The following TET1 variants were observed in gnomAD, a reference collection of about 807,000 sequenced individuals.
TET1 encodes methylcytosine dioxygenase TET1.
A neutral mutation model predicts 148.7 loss-of-function variants in TET1; 13 were observed. The ratio of observed to expected loss-of-function variants is 0.09; its 90% CI spans 0.06 to 0.14. TET1 has a LOEUF of 0.14. TET1 is among the 10% of genes least tolerant of loss of function. The pLI, the probability that TET1 is intolerant of heterozygous loss-of-function variation, is 1.00. For missense variants in TET1, 2,182 were observed against 2,553.8 expected (o/e 0.85, Z 3.14); for synonymous variants, 907 against 937.2 (o/e 0.97, Z 0.59).
rs1433357245 is a variant in TET1, at chr10:68,645,877, C to T, written c.3148C>T (p.Gln1050Ter). Reference protein sequence around the residue: ...PRNNEVEYCNQLLDSSKKLDS... With the variant: ...PRNNEVEYCN The stretch of plus-strand genomic sequence containing the variant: ...AAATAATGAAGTGGAGTATTGCAAC[C>T]AGTTACTGGACAGCAGCAAAAAATT... Residue 1050 changes from glutamine to a stop codon, truncating the protein, a stop_gained, in exon 4 of 12, where the codon CAG becomes TAG. Transcript: ENST00000373644. LOFTEE classifies it high-confidence loss of function. The T allele has an allele frequency of 6.2e-7, 1 of 1,613,762 alleles. No homozygotes were observed. Among genetic ancestry groups the T allele is most frequent in the African/African-American group, 1.3e-5 (1 of 74,826 alleles).
At chr10:68,655,493 G>C (rs745509107) in intron 6 of TET1, among the ~76,000 whole-genome samples, 1 of 152,160 alleles carries the variant, frequency 6.6e-6, no homozygotes, top group Non-Finnish European at 1.5e-5. Flanking sequence ...GAATGAATAT[G>C]TCCTCATGTT....
chr10:68,651,732 TGTCAAGATTC>T, intron 4 of TET1, 104 bp from the exon 5 acceptor site: 1 of 645,646 alleles, frequency 1.5e-6, no homozygotes, highest in Non-Finnish European at 2.5e-6. Flanking sequence ...ACCAAAACCT[TGTCAAGATTC>T]ATGGTTCTGA....
chr10:68,632,276 C>T, intron 3 of TET1: 1 of 1,027,770 alleles, frequency 9.7e-7, no homozygotes, highest in South Asian at 1.6e-5. Flanking sequence ...GAGCCGAGAT[C>T]CCGCCACTGC....
intron 3 of TET1, among the ~76,000 whole-genome samples, chr10:68,642,611 CT>C (rs1052460885): frequency 7.4e-5 from 11 of 148,770 alleles, no homozygotes; most frequent in Admixed American, 1.3e-4. Flanking sequence ...CACTTTTCTT[CT>C]TTTTTTTTTG....
chr10:68,623,037 TC>T (rs887749636), intron 3 of TET1, among the ~76,000 whole-genome samples: 17 of 152,212 alleles, frequency 1.1e-4, no homozygotes, highest in African/African-American at 4.1e-4. Context: ...TTTACAGAGA[TC>T]CTTGGCCAGG....
intron 1 of TET1, among the ~76,000 whole-genome samples, chr10:68,571,865 A>G (rs2053674063): frequency 6.6e-6 from 1 of 152,036 alleles, no homozygotes; most frequent in Non-Finnish European, 1.5e-5. Flanking sequence ...CACACCTGTA[A>G]TCCCAGCACT....
intron 3 of TET1, among the ~76,000 whole-genome samples, chr10:68,627,099 C>A (rs532029322): frequency 2.0e-5 from 3 of 151,970 alleles, no homozygotes; most frequent in Non-Finnish European, 2.9e-5. Flanking sequence ...TTGTGAAACC[C>A]CGTCTGTATT....
chr10:68,658,417 G>C (rs973154188), intron 6 of TET1, among the ~76,000 whole-genome samples: 3 of 152,040 alleles, frequency 2.0e-5, no homozygotes, highest in African/African-American at 7.2e-5. Context: ...GGGATTACAG[G>C]CGTGAGCCAC....
intron 4 of TET1, among the ~76,000 whole-genome samples, chr10:68,649,060 AATC>A (rs1409588518): frequency 6.6e-6 from 1 of 152,230 alleles, no homozygotes; most frequent in African/African-American, 2.4e-5. Flanking sequence ...AGAAGAAAGT[AATC>A]ATCATAATGG....
chr10:68,585,184 A>G (rs780368738), intron 2 of TET1, among the ~76,000 whole-genome samples: 3 of 152,074 alleles, frequency 2.0e-5, no homozygotes, highest in African/African-American at 4.8e-5. Flanking sequence ...TTGTATTTTT[A>G]GTAGAGACAG....
At position 68,682,932 on chromosome 10, in the gene TET1, C is replaced by A; in HGVS notation, c.5011C>A (p.Pro1671Thr). 6.2e-7 allele frequency: 1 copy of A among 1,613,956 alleles called. No homozygotes were observed. The highest frequency in any genetic ancestry group is 8.5e-7 in the Non-Finnish European group (1 of 1,179,994). ...VTACLDFCAHPHRDIHNMNNG... is the reference protein window; with the variant it reads ...VTACLDFCAHTHRDIHNMNNG... The stretch of plus-strand genomic sequence containing the variant: ...TGCTTGCCTGGACTTCTGTGCTCAT[C>A]CCCACAGGGACATTCACAACATGAA... Residue 1671 changes from proline to threonine, a missense_variant, in exon 10 of 12, where the codon CCC becomes ACC. Pro to Thr is a conservative substitution (Grantham distance 38). Coordinates refer to ENST00000373644, the MANE Select transcript of TET1 (RefSeq NM_030625.3).
intron 3 of TET1, among the ~76,000 whole-genome samples, chr10:68,638,765 TTG>T (rs59106736): frequency 0.12 from 17,025 of 140,576 alleles, 1,255 homozygotes; most frequent in East Asian, 0.32. Flanking sequence ...TGTATGGAGT[TTG>T]TGTGTGTGTG....
At chr10:68,604,124 G>A (rs772173149) in intron 3 of TET1, among the ~76,000 whole-genome samples, 2 of 152,156 alleles carry the variant, frequency 1.3e-5, no homozygotes, top group African/African-American at 2.4e-5. Context: ...CTTCAATCAC[G>A]AACTTAGCCT....
At position 68,681,394 on chromosome 10, in the gene TET1, T is replaced by C; in HGVS notation, c.4825-5T>C. The C allele has an allele frequency of 6.2e-7, 1 of 1,606,128 alleles. No individual in the cohort carries two copies. Among genetic ancestry groups the C allele is most frequent in the Non-Finnish European group, 8.5e-7 (1 of 1,173,522 alleles). ...AAATACCTAATGGATTCTGTTTTCC[T>C]ATAGGAAAAAAACCTTGAAGATAAC... On this transcript the variant is annotated splice_polypyrimidine_tract_variant and splice_region_variant and intron_variant, in intron 8 of 11. Transcript: ENST00000373644.
At chr10:68,589,612 C>T (rs558167466) in intron 2 of TET1, among the ~76,000 whole-genome samples, 8 of 150,324 alleles carry the variant, frequency 5.3e-5, no homozygotes, top group Middle Eastern at 3.5e-3. Flanking sequence ...CCTTAGTGCT[C>T]TGGGAGAGGT....
intron 3 of TET1, among the ~76,000 whole-genome samples, chr10:68,634,594 G>A (rs1391397610): frequency 1.3e-5 from 2 of 152,158 alleles, no homozygotes. Context: ...CTGGTTTGAG[G>A]CCTGGTTCTT....
At chr10:68,626,700 G>A (rs1479815295) in intron 3 of TET1, among the ~76,000 whole-genome samples, 2 of 151,240 alleles carry the variant, frequency 1.3e-5, no homozygotes, top group Admixed American at 6.6e-5. Context: ...ATAGGTATGC[G>A]CCACCACACC....
chr10:68,669,670 G>GA (rs768582069), intron 7 of TET1, among the ~76,000 whole-genome samples: 18 of 150,914 alleles, frequency 1.2e-4, no homozygotes, highest in African/African-American at 4.4e-4. Flanking sequence ...ACTCTTTTAA[G>GA]ACAGAGTCTC....
Position 68,691,032 on chromosome 10 carries a change from A to G in TET1, c.5629A>G (p.Ser1877Gly), listed in dbSNP as rs2055583830. Residue 1877 changes from serine (S) to glycine (G), a missense_variant, in exon 12 of 12, where the codon AGC (serine) becomes GGC (glycine). By Grantham distance (56) the Ser-to-Gly change is moderately conservative. Around this residue, in one of 11 missense-constraint regions of TET1, gnomAD observed 380 missense variants for 387.9 expected, o/e 0.98. Transcript: ENST00000373644. The surrounding 1 kb of genome is among the most constrained non-coding windows in gnomAD (Gnocchi z 4.4). ...TASCGFSERS[S>G]TPHCTMPSGR... is the part of the protein sequence containing the mutation. ...CTCATGCGGGTTTTCAGAAAGAAGC[A>G]GCACTCCCCACTGTACGATGCCTTC... 1.9e-6 allele frequency: 3 copies of G among 1,614,156 alleles called. No homozygotes were observed. Among genetic ancestry groups the G allele is most frequent in the Non-Finnish European group, 1.7e-6 (2 of 1,179,984 alleles).
Sources: allele counts gnomAD v4.1 joint callset (sites outside exome capture counted in the v4.1 genomes callset), GRCh38; gene constraint gnomAD v4.1.1; regional missense constraint gnomAD v4.1.1; non-coding constraint Gnocchi (gnomAD v3.1); transcripts MANE v1.5; gene names NCBI Gene and HGNC (gene_info 2026-07-23, HGNC 2026-07-21).